Variants in LRRK1 observed in about 807,000 individuals in gnomAD.
LRRK1 encodes the protein leucine-rich repeat serine/threonine-protein kinase 1.
LRRK1 carries 113 observed loss-of-function variants against 209.1 expected under a neutral mutation model. That is an observed-to-expected ratio of 0.54 (90% CI 0.46 to 0.63). LRRK1 has a LOEUF of 0.63. LRRK1 is among the 30% of genes least tolerant of loss of function. The pLI is 0.00. For missense variants in LRRK1, 2,284 were observed against 2,632.2 expected (o/e 0.87, Z 2.89); for synonymous variants, 1,144 against 1,099.7 (o/e 1.04, Z -0.80).
chr15:101,004,355 T>G (rs1347742639), intron 6 of LRRK1, among the ~76,000 whole-genome samples: 1 of 152,010 alleles, frequency 6.6e-6, no homozygotes, highest in East Asian at 1.9e-4. Flanking sequence ...TAGGGAGAGC[T>G]GAAAGGTCTT....
chr15:101,008,060 T>A (rs1421767973), intron 6 of LRRK1, among the ~76,000 whole-genome samples: 1 of 140,446 alleles, frequency 7.1e-6, no homozygotes, highest in Non-Finnish European at 1.5e-5. Flanking sequence ...GGAGAATCGC[T>A]TGAACCCGGG....
intron 6 of LRRK1, among the ~76,000 whole-genome samples, chr15:101,008,404 G>T (rs191765457): frequency 6.6e-6 from 1 of 152,198 alleles, no homozygotes; most frequent in Non-Finnish European, 1.5e-5. Flanking sequence ...TCACAGGAAA[G>T]GCCGCCTTGA....
chr15:101,059,085 T>C (rs1030969990), intron 29 of LRRK1, among the ~76,000 whole-genome samples: 6 of 152,136 alleles, frequency 3.9e-5, no homozygotes, highest in African/African-American at 1.4e-4. Context: ...CTCTAAGAAA[T>C]GATGCTGTAA....
chr15:101,015,748 C>T (rs1390808798), intron 12 of LRRK1, among the ~76,000 whole-genome samples: 1 of 152,160 alleles, frequency 6.6e-6, no homozygotes, highest in Non-Finnish European at 1.5e-5. Flanking sequence ...GCCACATTTC[C>T]CCATTTTGCA....
At chr15:101,061,621 G>C (rs927204101) in intron 30 of LRRK1, among the ~76,000 whole-genome samples, 3 of 152,206 alleles carry the variant, frequency 2.0e-5, no homozygotes. Flanking sequence ...CAGCTCTGAA[G>C]GCCTCTTGCC....
intron 2 of LRRK1, among the ~76,000 whole-genome samples, chr15:100,931,945 G>T (rs532818651): frequency 1.2e-4 from 18 of 152,126 alleles, no homozygotes; most frequent in Non-Finnish European, 2.2e-4. Flanking sequence ...TTTCCATCAT[G>T]CCCATGGGTA....
intron 2 of LRRK1, among the ~76,000 whole-genome samples, chr15:100,951,982 T>TAAA (rs1404722435): frequency 1.3e-5 from 2 of 149,950 alleles, no homozygotes; most frequent in East Asian, 3.9e-4. Context: ...ATAATAATAA[T>TAAA]AATAAAATAA....
Position 101,010,544 on chromosome 15 carries a change from A to T in LRRK1, c.1084A>T (p.Asn362Tyr). ...SKLQKLTASK[N>Y]CLEKLFEEEN... ...ACTTCAAAAACTGACAGCTTCAAAA[A>T]ATTGTTTAGAAAAATTGTTCGAAGA... Residue 362 changes from asparagine to tyrosine, a missense_variant, in exon 8 of 34, where the codon AAT becomes TAT. Transcript: ENST00000388948. 6.2e-7 allele frequency: 1 copy of T among 1,612,616 alleles called. No homozygotes were observed. The highest frequency in any genetic ancestry group is 8.5e-7 in the Non-Finnish European group (1 of 1,179,684).
At chr15:101,057,735 G>A (rs1295146205) in intron 28 of LRRK1, among the ~76,000 whole-genome samples, 1 of 152,132 alleles carries the variant, frequency 6.6e-6, no homozygotes, top group Non-Finnish European at 1.5e-5. Flanking sequence ...TATGTCCTTG[G>A]GCCTGGGTTG....
At chr15:101,010,229 C>T (rs74961043) in intron 7 of LRRK1, among the ~76,000 whole-genome samples, 472 of 152,278 alleles carry the variant, frequency 3.1e-3, no homozygotes, top group African/African-American at 0.01. Flanking sequence ...TCAGTGGAGC[C>T]AGGGCCCACC....
intron 7 of LRRK1, among the ~76,000 whole-genome samples, chr15:101,009,571 ATTTC>A (rs558377044): frequency 3.0e-4 from 46 of 152,142 alleles, no homozygotes; most frequent in African/African-American, 7.2e-5. Flanking sequence ...ACCTTAGTTG[ATTTC>A]TTTATTTTTT....
chr15:101,028,920 C>G, intron 19 of LRRK1, 36 bp from the exon 20 acceptor site: 1 of 1,605,944 alleles, frequency 6.2e-7, no homozygotes, highest in Non-Finnish European at 8.5e-7. Flanking sequence ...GCTCCTTTGT[C>G]TAACTGCTGC....
Position 101,024,687 on chromosome 15 carries a change from G to T in LRRK1, c.2068-116G>T. ...AATAGAGTGTCCAGAACTTTTCCAC[G>T]GTTGTTTTTTCAGACCCCCGAGTCC... On this transcript the variant is annotated intron_variant, in intron 15 of 33. Coordinates refer to ENST00000388948, the MANE Select transcript of LRRK1 (RefSeq NM_024652.6). This position sits in a 1 kb window ranked among gnomAD's most constrained non-coding sequence, Gnocchi z 4.6. 3 of 1,120,408 alleles carry T rather than the reference G, an allele frequency of 2.7e-6. No homozygotes were observed. Among genetic ancestry groups the T allele is most frequent in the African/African-American group, 1.6e-5 (1 of 64,314 alleles). 69.4% of individuals were successfully genotyped at this position (1,120,408 alleles called of 1,614,324 possible).
In LRRK1 at chr15:100,976,747, T is replaced by C. The variant is rs549745102; in HGVS notation, c.261+2780T>C. Reference sequence around the variant, plus strand: ...TGTGTAAGGATGTTCATTCAAGTTGTGTTTAAGATAGAACAACCTTGAAAA... The same window carrying C: ...TGTGTAAGGATGTTCATTCAAGTTGCGTTTAAGATAGAACAACCTTGAAAA... On this transcript the variant is annotated intron_variant, in intron 3 of 33. Transcript: ENST00000388948. 2.6e-5 allele frequency among the ~76,000 whole-genome samples: 4 copies of C among 152,326 alleles called. No individual in the cohort carries two copies. The South Asian group carries it at 8.3e-4, about 32-fold the overall frequency.
chr15:101,061,501 G>C (rs1289811548), intron 30 of LRRK1, among the ~76,000 whole-genome samples: 3 of 152,376 alleles, frequency 2.0e-5, no homozygotes, highest in Non-Finnish European at 4.4e-5. Context: ...CCTGCTGCTG[G>C]CTGGAGGCCG....
At chr15:100,932,276 G>T (rs2042226769) in intron 2 of LRRK1, among the ~76,000 whole-genome samples, 1 of 152,118 alleles carries the variant, frequency 6.6e-6, no homozygotes, top group Non-Finnish European at 1.5e-5. Context: ...GTGAGCCACA[G>T]CACCTGGCCT....
At position 100,919,403 on chromosome 15, in the gene LRRK1, C is replaced by T. The variant is rs1197274509; in HGVS notation, c.-171C>T. 6.6e-6 allele frequency: 1 copy of T among 150,378 alleles called. No individual in the cohort carries two copies. The highest frequency in any genetic ancestry group is 2.4e-5 in the African/African-American group (1 of 41,116). The allele number at this position is 150,378 out of a possible 1,614,324, so 9.3% of individuals were successfully genotyped here. ...GCCCCGGCCCCGCCAGTGTGTCCGC[C>T]CGGCCCCGCGTCCCGGAGCGCCCGC... On this transcript the variant is annotated 5_prime_UTR_variant, in exon 1 of 34. Transcript: ENST00000388948. This position sits in a 1 kb window ranked among gnomAD's most constrained non-coding sequence, Gnocchi z 5.8.
At chr15:101,012,720 G>A (rs1210634343) in intron 10 of LRRK1, among the ~76,000 whole-genome samples, 1 of 152,148 alleles carries the variant, frequency 6.6e-6, no homozygotes, top group Non-Finnish European at 1.5e-5. Flanking sequence ...CTCCTCCAAG[G>A]CCTGGTGCAG....
intron 6 of LRRK1, among the ~76,000 whole-genome samples, chr15:100,998,041 G>A (rs947769989): frequency 1.3e-5 from 2 of 152,104 alleles, no homozygotes; most frequent in Non-Finnish European, 1.5e-5. Flanking sequence ...CATGAGTTGG[G>A]TGTGGTGGTG....
Sources: allele counts gnomAD v4.1 joint callset (sites outside exome capture counted in the v4.1 genomes callset), GRCh38; gene constraint gnomAD v4.1.1; non-coding constraint Gnocchi (gnomAD v3.1); transcripts MANE v1.5; gene names NCBI Gene and HGNC (gene_info 2026-07-23, HGNC 2026-07-21).